Variants in POC1A observed in about 807,000 individuals in gnomAD.
POC1A encodes POC1 centriolar protein homolog A.
Under a neutral mutation model 47.8 loss-of-function variants are expected in POC1A, and 34 were observed. That is an observed-to-expected ratio of 0.71 (90% CI 0.54 to 0.95). POC1A has a LOEUF of 0.95. Ranked by LOEUF, POC1A falls within the 40% of genes least tolerant of loss-of-function variation. POC1A has a pLI of 0.00. For synonymous variants in POC1A, 177 were observed against 207.6 expected (o/e 0.85, Z 1.27); for missense variants, 466 against 528.3 (o/e 0.88, Z 1.16).
At chr3:52,087,065 T>C (rs1240035549) in intron 10 of POC1A, among the ~76,000 whole-genome samples, 2 of 152,182 alleles carry the variant, frequency 1.3e-5, no homozygotes, top group Non-Finnish European at 2.9e-5. Flanking sequence ...AGCGTGGGTC[T>C]TGGACCTGGT....
At chr3:52,105,391 T>C (rs1216119519) in intron 9 of POC1A, among the ~76,000 whole-genome samples, 1 of 152,262 alleles carries the variant, frequency 6.6e-6, no homozygotes, top group East Asian at 1.9e-4. Context: ...TTCTTAGTCC[T>C]GGCCTCAGGC....
intron 9 of POC1A, among the ~76,000 whole-genome samples, chr3:52,113,265 G>C (rs1257895661): frequency 6.6e-6 from 1 of 152,234 alleles, no homozygotes; most frequent in Non-Finnish European, 1.5e-5. Context: ...GAAGAAAAAG[G>C]AGCTGGGACC....
chr3:52,130,877 A>G (rs1704185223), intron 7 of POC1A, among the ~76,000 whole-genome samples: 1 of 152,110 alleles, frequency 6.6e-6, no homozygotes, highest in African/African-American at 2.4e-5. Flanking sequence ...AGCATGGCGC[A>G]AGCACCCCAT....
At chr3:52,142,156 T>G (rs998118952) in intron 6 of POC1A, among the ~76,000 whole-genome samples, 2 of 152,234 alleles carry the variant, frequency 1.3e-5, no homozygotes, top group African/African-American at 4.8e-5. Context: ...TAGACCTACT[T>G]TGCTGGCCAC....
chr3:52,143,906 G>A (rs1001180259), intron 6 of POC1A, among the ~76,000 whole-genome samples: 2 of 152,116 alleles, frequency 1.3e-5, no homozygotes, highest in Non-Finnish European at 2.9e-5. Flanking sequence ...CCTTCCCAAG[G>A]GGTACCTGCT....
intron 9 of POC1A, among the ~76,000 whole-genome samples, chr3:52,099,728 G>A (rs1702933273): frequency 6.6e-6 from 1 of 152,152 alleles, no homozygotes; most frequent in African/African-American, 2.4e-5. Flanking sequence ...GTAGGCACCT[G>A]TAATCCCAGC....
chr3:52,115,123 G>C (rs1455457082), intron 9 of POC1A, among the ~76,000 whole-genome samples: 1 of 152,112 alleles, frequency 6.6e-6, no homozygotes, highest in Non-Finnish European at 1.5e-5. Flanking sequence ...GCAGCAGGCA[G>C]GAAGCCAACA....
chr3:52,112,990 C>T (rs1703435766), intron 9 of POC1A, among the ~76,000 whole-genome samples: 1 of 152,158 alleles, frequency 6.6e-6, no homozygotes, highest in South Asian at 2.1e-4. Context: ...GGATATGAGG[C>T]CCAGCAAGCT....
At chr3:52,080,024 T>G (rs1702233091) in intron 10 of POC1A, among the ~76,000 whole-genome samples, 1 of 152,156 alleles carries the variant, frequency 6.6e-6, no homozygotes, top group Non-Finnish European at 1.5e-5. Flanking sequence ...TCATTGACCC[T>G]CTGCTCTGTG....
intron 9 of POC1A, among the ~76,000 whole-genome samples, chr3:52,115,175 C>CTCACTACT (rs1703519122): frequency 1.3e-5 from 2 of 151,890 alleles, no homozygotes; most frequent in African/African-American, 4.8e-5. Context: ...AGATGGGGGT[C>CTCACTACT]TCACTACTTT....
In POC1A at chr3:52,084,227, G is replaced by C. The variant is rs1192228352; in HGVS notation, c.1126-8242C>G. On this transcript the variant is annotated intron_variant, in intron 10 of 10. Transcript: ENST00000296484. This position sits in a 1 kb window ranked among gnomAD's most constrained non-coding sequence, Gnocchi z 4.3. ...ACTGGCACTTCAGAGCACAGACCAA[G>C]GGCACACCCTCAGAGACAGGTCCCT... is the stretch of plus-strand genomic sequence containing the variant. Among the ~76,000 whole-genome samples the C allele has an allele frequency of 6.6e-6, 1 of 152,178 alleles. No individual in the cohort carries two copies. The highest frequency in any genetic ancestry group is 1.5e-5 in the Non-Finnish European group (1 of 68,032).
At chr3:52,097,830 G>A (rs996424755) in intron 9 of POC1A, among the ~76,000 whole-genome samples, 15 of 152,348 alleles carry the variant, frequency 9.8e-5, no homozygotes, top group African/African-American at 2.9e-4. Flanking sequence ...GGCCACTTCC[G>A]TGGCCATTTC....
At chr3:52,094,931 GT>G (rs1702762955) in intron 10 of POC1A, among the ~76,000 whole-genome samples, 1 of 152,214 alleles carries the variant, frequency 6.6e-6, no homozygotes, top group African/African-American at 2.4e-5. Context: ...TTTTTTAAAA[GT>G]TACTATCATA....
chr3:52,099,247 A>G lies in POC1A; in HGVS notation c.982-2535T>C, dbSNP rs1053838036. 3.3e-4 allele frequency among the ~76,000 whole-genome samples: 51 copies of G among 152,290 alleles called. 1 individual carries two copies. The highest frequency in any genetic ancestry group is 1.1e-3 in the African/African-American group (46 of 41,552). On this transcript the variant is annotated intron_variant, in intron 9 of 10. Coordinates refer to ENST00000296484, the MANE Select transcript of POC1A (RefSeq NM_015426.5). The stretch of plus-strand genomic sequence containing the variant: ...AATTCCTGTGTAATGAATCCTCCCC[A>G]ATGTCTGCACTGCAGCAAAGGGCCA...
rs1702393992 is a variant in POC1A, at chr3:52,084,433, C to T, written c.1126-8448G>A. ...GCCAACAACATCATTCACTCCCATA[C>T]CTCTGTCAGGCACCCACCACAGGCA... On this transcript the variant is annotated intron_variant, in intron 10 of 10. Transcript: ENST00000296484. The surrounding 1 kb of genome is among the most constrained non-coding windows in gnomAD (Gnocchi z 4.3). Among the ~76,000 whole-genome samples the T allele has an allele frequency of 2.0e-5, 3 of 152,188 alleles. No homozygotes were observed. The South Asian group carries it at 6.2e-4, about 31-fold the overall frequency.
At chr3:52,145,473 G>A (rs569391478) in intron 6 of POC1A, among the ~76,000 whole-genome samples, 2 of 152,306 alleles carry the variant, frequency 1.3e-5, no homozygotes, top group Admixed American at 1.3e-4. Flanking sequence ...GCCCTGGAGG[G>A]CAGAGCCTCC....
At chr3:52,098,569 T>G (rs1424773450) in intron 9 of POC1A, among the ~76,000 whole-genome samples, 1 of 152,200 alleles carries the variant, frequency 6.6e-6, no homozygotes, top group African/African-American at 2.4e-5. Flanking sequence ...AACAGAGGGT[T>G]GCGGCAGCCA....
At chr3:52,140,661 C>T (rs1698162108) in intron 6 of POC1A, among the ~76,000 whole-genome samples, 1 of 152,214 alleles carries the variant, frequency 6.6e-6, no homozygotes, top group Non-Finnish European at 1.5e-5. Flanking sequence ...GAACCATTTA[C>T]TCCAGAAGAG....
chr3:52,151,289 T>A, intron 1 of POC1A, 189 bp from the exon 2 acceptor site: 2 of 695,752 alleles, frequency 2.9e-6, no homozygotes, highest in Non-Finnish European at 2.2e-6. Context: ...CTATTTGAAT[T>A]AATACATCAA....
Sources: gnomAD v4.1 joint callset for allele counts (sites outside exome capture counted in the v4.1 genomes callset) on GRCh38, gnomAD v4.1.1 for gene constraint, Gnocchi (gnomAD v3.1) non-coding constraint, MANE v1.5 for transcripts, NCBI Gene and HGNC (gene_info 2026-07-23, HGNC 2026-07-21) for gene names.